The following SPAG16 variants were observed in gnomAD, a reference collection of about 807,000 sequenced individuals.
The protein encoded by SPAG16 is sperm associated antigen 16.
A neutral mutation model predicts 80.4 loss-of-function variants in SPAG16; 86 were observed. That is an observed-to-expected ratio of 1.07 (90% CI 0.90 to 1.28). The LOEUF (loss-of-function observed/expected upper bound fraction) is 1.28, where lower values mean the gene tolerates loss of function less well. SPAG16 is among the 50% of genes most tolerant of loss of function. SPAG16 has a pLI of 0.00. For synonymous variants in SPAG16, 294 were observed against 265.9 expected, an observed-to-expected ratio of 1.11 and a Z score of -1.03; for missense variants, 870 against 765.3, an observed-to-expected ratio of 1.14 and a Z score of -1.61.
chr2:213,805,585 G>A (rs2071717949), intron 10 of SPAG16, among the ~76,000 whole-genome samples: 1 of 152,132 alleles, frequency 6.6e-6, no homozygotes, highest in South Asian at 2.1e-4. Context: ...TCCTATTATT[G>A]AAATTATATA....
chr2:213,515,452 G>A (rs2075385059), intron 10 of SPAG16, among the ~76,000 whole-genome samples: 1 of 152,176 alleles, frequency 6.6e-6, no homozygotes, highest in African/African-American at 2.4e-5. Context: ...CTCAACTGGA[G>A]TATTTCCTAA....
chr2:213,491,717 T>A (rs2074243107), intron 10 of SPAG16, among the ~76,000 whole-genome samples: 1 of 152,126 alleles, frequency 6.6e-6, no homozygotes, highest in African/African-American at 2.4e-5. Flanking sequence ...TAAATGAAAA[T>A]GTGGAGAAGA....
chr2:213,976,983 T>G (rs146795734), intron 12 of SPAG16, among the ~76,000 whole-genome samples: 144 of 152,202 alleles, frequency 9.5e-4, no homozygotes, highest in African/African-American at 3.2e-3. Flanking sequence ...AACTGGGTGT[T>G]GTTTTAAGTC....
intron 10 of SPAG16, among the ~76,000 whole-genome samples, chr2:213,632,908 CA>C (rs2062209274): frequency 6.6e-6 from 1 of 152,080 alleles, no homozygotes; most frequent in African/African-American, 2.4e-5. Flanking sequence ...CAATATTCAT[CA>C]GAGATATTCA....
chr2:213,486,533 G>A (rs1192543827), intron 9 of SPAG16, among the ~76,000 whole-genome samples: 7 of 152,192 alleles, frequency 4.6e-5, no homozygotes, highest in African/African-American at 7.2e-5. Context: ...GCAGCAACAT[G>A]GATGGAACTG....
At chr2:214,353,606 G>C (rs1267406465) in intron 15 of SPAG16, among the ~76,000 whole-genome samples, 1 of 152,086 alleles carries the variant, frequency 6.6e-6, no homozygotes, top group Non-Finnish European at 1.5e-5. Context: ...TACCCAGTCA[G>C]TCAAGGATCA....
At chr2:214,312,363 A>C (rs568473355) in intron 15 of SPAG16, among the ~76,000 whole-genome samples, 88 of 152,364 alleles carry the variant, frequency 5.8e-4, no homozygotes, top group South Asian at 1.9e-3. Flanking sequence ...AGTTTCATGC[A>C]GAGTAAAGAT....
chr2:213,715,196 A>G (rs529691928), intron 10 of SPAG16, among the ~76,000 whole-genome samples: 1 of 147,112 alleles, frequency 6.8e-6, no homozygotes, highest in South Asian at 2.2e-4. Flanking sequence ...ATGGATGGAA[A>G]AGATTCAAGT....
chr2:213,410,470 T>A (rs1575519359), intron 9 of SPAG16, among the ~76,000 whole-genome samples: 2 of 152,076 alleles, frequency 1.3e-5, no homozygotes, highest in African/African-American at 2.4e-5. Flanking sequence ...CAACCAGGAG[T>A]CTTGCCCCCG....
At chr2:214,181,725 T>C (rs1178089019) in intron 15 of SPAG16, among the ~76,000 whole-genome samples, 1 of 151,888 alleles carries the variant, frequency 6.6e-6, no homozygotes, top group Non-Finnish European at 1.5e-5. Context: ...TTCCATAAGA[T>C]GTAAAATTGT....
At chr2:213,976,135 T>TATATATATATATACACACACACACAC (rs749957411) in intron 12 of SPAG16, among the ~76,000 whole-genome samples, 1 of 81,416 alleles carries the variant, frequency 1.2e-5, no homozygotes, top group East Asian at 3.8e-4. Context: ...TATATATATA[T>TATATATATATATACACACACACACAC]ACACACACAC....
At chr2:214,028,424 T>A (rs1300426222) in intron 13 of SPAG16, among the ~76,000 whole-genome samples, 2 of 152,032 alleles carry the variant, frequency 1.3e-5, no homozygotes, top group African/African-American at 4.8e-5. Flanking sequence ...CTTGACTGAA[T>A]AGAATTCTCA....
chr2:214,263,242 A>G (rs536867738), intron 15 of SPAG16, among the ~76,000 whole-genome samples: 1 of 152,272 alleles, frequency 6.6e-6, no homozygotes, highest in Admixed American at 6.5e-5. Context: ...CCACACATGC[A>G]TAAATTTTAT....
intron 12 of SPAG16, among the ~76,000 whole-genome samples, chr2:213,964,329 T>A (rs892976196): frequency 2.6e-5 from 4 of 152,168 alleles, no homozygotes; most frequent in Non-Finnish European, 4.4e-5. Context: ...TATTTGTATT[T>A]TATGTGTGGA....
In SPAG16 at chr2:213,340,246, A is replaced by C. The variant is rs752382481; in HGVS notation, c.620A>C (p.Asn207Thr). The C allele has an allele frequency of 1.9e-6, 3 of 1,610,164 alleles. No homozygotes were observed. The highest frequency in any genetic ancestry group is 4.5e-5 in the East Asian group (2 of 44,766). Reference protein sequence around the residue: ...MHHKRIVQEKNKLINDLKGLK... With the variant: ...MHHKRIVQEKTKLINDLKGLK... Reference sequence around the variant, plus strand: ...CATAAGCGAATAGTCCAGGAAAAAAACAAATTAATTAATGACCTCAAAGGG... The same window carrying C: ...CATAAGCGAATAGTCCAGGAAAAAACCAAATTAATTAATGACCTCAAAGGG... The change falls in exon 6 of 16, where the codon AAC becomes ACC. Residue 207 changes from asparagine to threonine, a missense_variant. Asn to Thr is a moderately conservative substitution (Grantham distance 65, BLOSUM62 0). Transcript: ENST00000331683.
chr2:213,657,323 G>T (rs1011688330), intron 10 of SPAG16, among the ~76,000 whole-genome samples: 3 of 152,086 alleles, frequency 2.0e-5, no homozygotes, highest in Non-Finnish European at 4.4e-5. Context: ...TTTCCCTTCT[G>T]TAAAATGGGG....
chr2:214,059,862 G>A (rs2050164462), intron 13 of SPAG16, among the ~76,000 whole-genome samples: 1 of 152,100 alleles, frequency 6.6e-6, no homozygotes, highest in Admixed American at 6.6e-5. Flanking sequence ...AAAATGGAAG[G>A]CACAGTCATT....
chr2:213,837,650 C>T (rs946272914), intron 10 of SPAG16, among the ~76,000 whole-genome samples: 3 of 152,074 alleles, frequency 2.0e-5, no homozygotes, highest in African/African-American at 4.8e-5. Context: ...AATAATGCAC[C>T]CCAGCAAATG....
intron 10 of SPAG16, among the ~76,000 whole-genome samples, chr2:213,685,526 T>G (rs2064622005): frequency 6.6e-6 from 1 of 152,222 alleles, no homozygotes; most frequent in African/African-American, 2.4e-5. Context: ...AAATTTCTGT[T>G]GTTATCAGTC....
Sources: gnomAD v4.1 joint callset for allele counts (sites outside exome capture counted in the v4.1 genomes callset) on GRCh38, gnomAD v4.1.1 for gene constraint, MANE v1.5 for transcripts, NCBI Gene and HGNC (gene_info 2026-07-23, HGNC 2026-07-21) for gene names.